Variants in MYCBP2 observed in about 807,000 individuals in gnomAD.
MYCBP2 encodes MYC binding protein 2.
In MYCBP2, 120 loss-of-function variants were observed where a neutral mutation model predicts 525.3. That is an observed-to-expected ratio of 0.23 (90% CI 0.20 to 0.27). The LOEUF (loss-of-function observed/expected upper bound fraction) is 0.27, where lower values mean the gene tolerates loss of function less well. Ranked by LOEUF, MYCBP2 falls within the 10% of genes least tolerant of loss-of-function variation. The pLI is 1.00. For synonymous variants in MYCBP2, 1,894 were observed against 1,955.8 expected, an observed-to-expected ratio of 0.97 and a Z score of 0.83; for missense variants, 4,149 against 5,657.1, an observed-to-expected ratio of 0.73 and a Z score of 8.55.
In MYCBP2 at chr13:77,251,231, C is replaced by G; in HGVS notation, c.2301G>C (p.Met767Ile). 1 of 1,614,180 alleles carries G rather than the reference C, an allele frequency of 6.2e-7. No homozygotes were observed. Among genetic ancestry groups the G allele is most frequent in the Non-Finnish European group, 8.5e-7 (1 of 1,180,024 alleles). The change falls in exon 15 of 83, where the codon ATG becomes ATC. Residue 767 changes from methionine (M) to isoleucine (I), a missense_variant. By Grantham distance (10) the Met-to-Ile change is conservative (BLOSUM62 1). Around this residue, in one of 21 missense-constraint regions of MYCBP2, gnomAD observed 620 missense variants for 795.5 expected, o/e 0.78. Transcript: ENST00000544440. Reference sequence around the variant, plus strand: ...TACAGTCTCCACAGACAGTGCAAACCATGCACTGCTCCAGCTTCCATTTGT... The same window carrying G: ...TACAGTCTCCACAGACAGTGCAAACGATGCACTGCTCCAGCTTCCATTTGT... ...GMHKWKLEQC[M>I]VCTVCGDCTG...
Position 77,144,466 on chromosome 13 carries a change from T to A in MYCBP2, c.7282A>T (p.Thr2428Ser). The A allele has an allele frequency of 6.2e-7, 1 of 1,612,430 alleles. No homozygotes were observed. The highest frequency in any genetic ancestry group is 8.5e-7 in the Non-Finnish European group (1 of 1,178,596). ...ATACCGATTTCAATGCCATCAATGG[T>A]AACATGAAGAGTGTAGAGTCCAATA... ...GAIGLYTLHV[T>S]IDGIEIDAGL... Residue 2428 changes from threonine (T) to serine (S), a missense_variant, in exon 49 of 83, where the codon ACC becomes TCC. Thr to Ser is a moderately conservative substitution (Grantham distance 58, BLOSUM62 1). Transcript: ENST00000544440.
At chr13:77,047,580 A>G (rs1171637773) in intron 82 of MYCBP2, among the ~76,000 whole-genome samples, 1 of 152,118 alleles carries the variant, frequency 6.6e-6, no homozygotes, top group African/African-American at 2.4e-5. Context: ...TCATCCCCAT[A>G]TAACATAAAA....
intron 39 of MYCBP2, 119 bp from the exon 40 acceptor site, chr13:77,168,765 TAA>T (rs758923026): frequency 6.0e-6 from 5 of 835,084 alleles, no homozygotes; most frequent in Non-Finnish European, 7.4e-6. Context: ...TTCCACTAGT[TAA>T]GTTTTTGTCC....
At chr13:77,133,971 C>T (rs996285125) in intron 52 of MYCBP2, among the ~76,000 whole-genome samples, 1 of 152,148 alleles carries the variant, frequency 6.6e-6, no homozygotes, top group Admixed American at 6.6e-5. Context: ...TCTGCATCTC[C>T]ACCCAATGCC....
In MYCBP2 at chr13:77,067,896, T is replaced by C. The variant is rs2040464552; in HGVS notation, c.12172-32A>G. 11 of 1,566,822 alleles carry C rather than the reference T, an allele frequency of 7.0e-6. No individual in the cohort carries two copies. The Admixed American group carries it at 1.9e-4, about 27-fold the overall frequency. On this transcript the variant is annotated intron_variant, in intron 70 of 82. Coordinates refer to ENST00000544440, the MANE Select transcript of MYCBP2 (RefSeq NM_015057.5). The stretch of plus-strand genomic sequence containing the variant: ...AGAAAAATAAAATGAGAGAATTCCA[T>C]GTAAAGACTAATGTTTTAAGGTTTC...
chr13:77,054,869 G>A (rs1000688984), intron 80 of MYCBP2, among the ~76,000 whole-genome samples: 5 of 152,072 alleles, frequency 3.3e-5, no homozygotes, highest in Admixed American at 6.5e-5. Context: ...CCAAAGTGCT[G>A]GGATTACAGG....
rs368877996 is a variant in MYCBP2 at position 77,177,925 on chromosome 13, T to A, written c.5163A>T (p.Val1721=). The change falls in exon 35 of 83, where the codon GTA becomes GTT. Residue 1721 remains valine, a synonymous_variant. Transcript: ENST00000544440. ...EVDGLNSLHS[V]KASANRFTKT... Reference sequence around the variant, plus strand: ...TTGTAAATCGGTTAGCACTAGCTTTTACAGAGTGAAGAGAATTAAGTCCAT... The same window carrying A: ...TTGTAAATCGGTTAGCACTAGCTTTAACAGAGTGAAGAGAATTAAGTCCAT... 5 of 1,612,286 alleles carry A rather than the reference T, an allele frequency of 3.1e-6. No individual in the cohort carries two copies. The highest frequency in any genetic ancestry group is 4.2e-6 in the Non-Finnish European group (5 of 1,178,406).
At position 77,217,680 on chromosome 13, in the gene MYCBP2, G is replaced by A. The variant is rs9574016; in HGVS notation, c.3057+160C>T. 1.2e-3 allele frequency among the ~76,000 whole-genome samples: 187 copies of A among 152,192 alleles called. 1 individual carries two copies. The highest frequency in any genetic ancestry group is 2.2e-3 in the Non-Finnish European group (152 of 67,988). Reference sequence around the variant, plus strand: ...AAATTACTTCAAAGAATATCATTCAGGTTTAGTGTGTGTTGGGGATGAAGG... The same window carrying A: ...AAATTACTTCAAAGAATATCATTCAAGTTTAGTGTGTGTTGGGGATGAAGG... On this transcript the variant is annotated intron_variant, in intron 21 of 82. Coordinates refer to ENST00000544440, the MANE Select transcript of MYCBP2 (RefSeq NM_015057.5).
Position 77,185,935 on chromosome 13 carries a change from G to A in MYCBP2, c.4380C>T (p.Arg1460=), listed in dbSNP as rs1264228047. ...TATLLDLERL[R]FVGTCCLRLL... is the part of the protein sequence containing the mutation. ...ACCTCAGACAACAGGTACCCACAAA[G>A]CGCAGTCTCTCTAAATCTAGGAGTG... Residue 1460 remains arginine (R), a synonymous_variant, in exon 31 of 83, where the codon CGC becomes CGT. Coordinates refer to ENST00000544440, the MANE Select transcript of MYCBP2 (RefSeq NM_015057.5). The A allele has an allele frequency of 6.2e-7, 1 of 1,613,488 alleles. No homozygotes were observed. The highest frequency in any genetic ancestry group is 1.7e-5 in the Admixed American group (1 of 59,836).
intron 82 of MYCBP2, among the ~76,000 whole-genome samples, chr13:77,048,849 CACT>C (rs1197446325): frequency 6.6e-6 from 1 of 151,614 alleles, no homozygotes; most frequent in African/African-American, 2.4e-5. Context: ...TACTACCCAC[CACT>C]GAGTTCTCTA....
At chr13:77,269,704 A>G (rs192371347) in intron 7 of MYCBP2, among the ~76,000 whole-genome samples, 1 of 152,288 alleles carries the variant, frequency 6.6e-6, no homozygotes, top group African/African-American at 2.4e-5. Flanking sequence ...AGAACTCTAA[A>G]GAAGGTATGT....
In MYCBP2 at chr13:77,176,506, A is replaced by T; in HGVS notation, c.5463T>A (p.Val1821=). 6.3e-7 allele frequency: 1 copy of T among 1,577,982 alleles called. No individual in the cohort carries two copies. The highest frequency in any genetic ancestry group is 8.6e-7 in the Non-Finnish European group (1 of 1,158,032). ...DIAEIRLDKV[V]PLKENVKYAV... ...ATTCAGTTGAAACTACCTTTAAAGG[A>T]ACCACTTTGTCAAGTCTGATCTCAG... Residue 1821 remains valine (V), a synonymous_variant, in exon 36 of 83, where the codon GTT becomes GTA. Coordinates refer to ENST00000544440, the MANE Select transcript of MYCBP2 (RefSeq NM_015057.5).
At chr13:77,244,219 C>G (rs2154318062) in intron 15 of MYCBP2, among the ~76,000 whole-genome samples, 1 of 152,308 alleles carries the variant, frequency 6.6e-6, no homozygotes, top group Non-Finnish European at 1.5e-5. Context: ...ATCAAAGTCA[C>G]TACTTTAAAA....
chr13:77,217,703 A>C, intron 21 of MYCBP2, 137 bp downstream of exon 21: 1 of 470,858 alleles, frequency 2.1e-6, no homozygotes, highest in South Asian at 5.2e-5. Flanking sequence ...TTGGGGATGA[A>C]GGCATGAAAT....
intron 44 of MYCBP2, among the ~76,000 whole-genome samples, chr13:77,158,771 C>T (rs916501673): frequency 1.2e-4 from 19 of 152,260 alleles, no homozygotes; most frequent in Admixed American, 8.5e-4. Context: ...GTCCCCCTTA[C>T]AGGCAGCTAT....
At chr13:77,170,302 A>G (rs1406876318) in intron 38 of MYCBP2, among the ~76,000 whole-genome samples, 1 of 152,212 alleles carries the variant, frequency 6.6e-6, no homozygotes, top group African/African-American at 2.4e-5. Flanking sequence ...TTAACATTTT[A>G]GTCAGTTATC....
intron 18 of MYCBP2, among the ~76,000 whole-genome samples, chr13:77,229,729 A>G (rs1398228127): frequency 6.6e-6 from 1 of 152,190 alleles, no homozygotes; most frequent in Non-Finnish European, 1.5e-5. Flanking sequence ...AGAGATTAAG[A>G]CATTTTGCAC....
intron 14 of MYCBP2, among the ~76,000 whole-genome samples, chr13:77,255,118 A>C (rs1391426365): frequency 1.3e-4 from 20 of 151,958 alleles, no homozygotes; most frequent in Non-Finnish European, 2.8e-4. Context: ...ATATACCCAG[A>C]AGTGGAATTG....
rs182425705 is a variant in MYCBP2, at chr13:77,314,756, G to A, written c.302+11718C>T. Among the ~76,000 whole-genome samples, 361 of 152,148 alleles carry A rather than the reference G, an allele frequency of 2.4e-3. 4 individuals are homozygous for A. The highest frequency in any genetic ancestry group is 8.5e-3 in the African/African-American group (351 of 41,468). On this transcript the variant is annotated intron_variant, in intron 1 of 82. Coordinates refer to ENST00000544440, the MANE Select transcript of MYCBP2 (RefSeq NM_015057.5). ...AGAGTGAACCCTAATGTAAACTCTG[G>A]ACTTGAGAGTGATTATGATGTGTCA...
Sources: gnomAD v4.1 joint callset for allele counts (sites outside exome capture counted in the v4.1 genomes callset) on GRCh38, gnomAD v4.1.1 for gene constraint, gnomAD v4.1.1 regional missense constraint, MANE v1.5 for transcripts, NCBI Gene and HGNC (gene_info 2026-07-23, HGNC 2026-07-21) for gene names.